The following TIGAR variants were observed in gnomAD, a reference collection of about 807,000 sequenced individuals.
The protein encoded by TIGAR is TP53 induced glycolysis regulatory phosphatase.
TIGAR carries 7 observed loss-of-function variants against 17.9 expected under a neutral mutation model. That is an observed-to-expected ratio of 0.39 (90% CI 0.22 to 0.73). The LOEUF (loss-of-function observed/expected upper bound fraction) is 0.73. Among genes scored for constraint, TIGAR ranks in the 30% least tolerant of loss-of-function variants. The probability of loss-of-function intolerance (pLI) is 0.42; values close to 1 mark genes in which losing one functional copy is unlikely to be tolerated. For missense variants in TIGAR, 258 were observed against 327.4 expected, an observed-to-expected ratio of 0.79 and a Z score of 1.64; for synonymous variants, 94 against 108.6, an observed-to-expected ratio of 0.87 and a Z score of 0.84.
intron 2 of TIGAR, chr12:4,335,462 T>C (rs1302494292): frequency 6.6e-6 from 1 of 152,164 alleles, no homozygotes; most frequent in African/African-American, 2.4e-5. Flanking sequence ...GGTGGGGTCT[T>C]TGGGTGGTTA....
chr12:4,345,892 AG>A (rs1355869556), intron 3 of TIGAR, among the ~76,000 whole-genome samples: 1 of 152,218 alleles, frequency 6.6e-6, no homozygotes, highest in Non-Finnish European at 1.5e-5. Context: ...GAATCTACAA[AG>A]AACTCAAACA....
In TIGAR at chr12:4,358,103, C is replaced by CAAAA. The variant is rs4026708; in HGVS notation, c.*5427_*5430dup. On this transcript the variant is annotated 3_prime_UTR_variant, in exon 6 of 6. Transcript: ENST00000179259. ...TGGGTGACAGAGCAAGACTGGGTCT[C>CAAAA]AAAAAAAAAAAAAAAAAATCATTTG... 2.4e-5 allele frequency among the ~76,000 whole-genome samples: 3 copies of CAAAA among 123,244 alleles called. No individual in the cohort carries two copies. The highest frequency in any genetic ancestry group is 8.5e-5 in the Admixed American group (1 of 11,700). 80.9% of individuals were successfully genotyped at this position (123,244 alleles called of 152,430 possible). A position where few individuals can be genotyped will look rare whatever the true frequency, so the allele number is the denominator to read the frequency against.
At chr12:4,324,686 G>C in intron 1 of TIGAR, 1 of 972,030 alleles carries the variant, frequency 1.0e-6, no homozygotes, top group Admixed American at 2.0e-5. Context: ...ACTTGCGGCC[G>C]CTGGCACGCA....
At chr12:4,333,440 G>T (rs991133662) in intron 2 of TIGAR, among the ~76,000 whole-genome samples, 3 of 150,274 alleles carry the variant, frequency 2.0e-5, no homozygotes, top group Non-Finnish European at 3.0e-5. Flanking sequence ...CAGGTTCCCG[G>T]CACCACACCT....
intron 1 of TIGAR, among the ~76,000 whole-genome samples, chr12:4,329,552 T>C (rs1864583072): frequency 6.6e-6 from 1 of 151,996 alleles, no homozygotes; most frequent in South Asian, 2.1e-4. Flanking sequence ...TTGGCCATGC[T>C]GGGCTTGAAC....
chr12:4,328,304 G>T (rs1172934345), intron 1 of TIGAR, among the ~76,000 whole-genome samples: 1 of 151,814 alleles, frequency 6.6e-6, no homozygotes, highest in East Asian at 1.9e-4. Flanking sequence ...TCATTCTCCT[G>T]CCTCAGCCTC....
rs1167185970 is a variant in TIGAR, at chr12:4,356,006, C to T, written c.*3315C>T. 1.3e-5 allele frequency among the ~76,000 whole-genome samples: 2 copies of T among 152,300 alleles called. No homozygotes were observed. The highest frequency in any genetic ancestry group is 1.3e-4 in the Admixed American group (2 of 15,294). ...AGGCCACATGGCCTGGTGGCCTGTG[C>T]TGAGGCCTTGGGCTTTTACTCAAGT... On this transcript the variant is annotated 3_prime_UTR_variant, in exon 6 of 6. Coordinates refer to ENST00000179259, the MANE Select transcript of TIGAR (RefSeq NM_020375.3).
At chr12:4,342,476 C>T (rs1864734059) in intron 3 of TIGAR, among the ~76,000 whole-genome samples, 1 of 152,174 alleles carries the variant, frequency 6.6e-6, no homozygotes, top group African/African-American at 2.4e-5. Context: ...ATGTTAAGGG[C>T]AGCCAGAGAG....
intron 3 of TIGAR, among the ~76,000 whole-genome samples, chr12:4,346,173 T>A (rs1467454317): frequency 6.6e-6 from 1 of 152,150 alleles, no homozygotes; most frequent in Non-Finnish European, 1.5e-5. Context: ...GTAAACAAGT[T>A]CAACCATTGT....
In TIGAR at chr12:4,337,174, T is replaced by C. The variant is rs1864669109; in HGVS notation, c.192+14T>C. ...AGGACAAAGCAGGTACATTTATTTA[T>C]TTATTTATTTTGAGACAGAGCGTCA... On this transcript the variant is annotated intron_variant, in intron 3 of 5. Coordinates refer to ENST00000179259, the MANE Select transcript of TIGAR (RefSeq NM_020375.3). 1 of 1,591,398 alleles carries C rather than the reference T, an allele frequency of 6.3e-7. No individual in the cohort carries two copies. The highest frequency in any genetic ancestry group is 8.6e-7 in the Non-Finnish European group (1 of 1,162,246).
At chr12:4,331,220 TC>T (rs1197139064) in intron 1 of TIGAR, 59 bp from the exon 2 acceptor site, 40 of 1,455,944 alleles carry the variant, frequency 2.7e-5, no homozygotes, top group Non-Finnish European at 3.8e-5. Flanking sequence ...CTCATTTTTT[TC>T]CTCCTCTCAA....
chr12:4,324,223 G>A (rs3885283), intron 1 of TIGAR: 188,591 of 597,518 alleles, frequency 0.32, 30,475 homozygotes, highest in Admixed American at 0.39. Context: ...CGTGTAGGTT[G>A]GCATTACCAT....
chr12:4,331,537 A>C (rs1864603554), intron 2 of TIGAR, among the ~76,000 whole-genome samples: 1 of 152,182 alleles, frequency 6.6e-6, no homozygotes. Context: ...CAGGTCTCCA[A>C]GTTATTCTTT....
intron 3 of TIGAR, among the ~76,000 whole-genome samples, chr12:4,343,974 G>C (rs576307057): frequency 6.6e-6 from 1 of 152,144 alleles, no homozygotes; most frequent in Non-Finnish European, 1.5e-5. Flanking sequence ...AAAATTGATA[G>C]ACCGCTAGCA....
intron 3 of TIGAR, among the ~76,000 whole-genome samples, chr12:4,337,947 A>G (rs1358676376): frequency 6.6e-6 from 1 of 152,200 alleles, no homozygotes; most frequent in Non-Finnish European, 1.5e-5. Flanking sequence ...CCTGGCCAAC[A>G]TGGTGAAACC....
chr12:4,324,314 T>G, intron 1 of TIGAR: 3 of 732,196 alleles, frequency 4.1e-6, no homozygotes, highest in Admixed American at 2.3e-5. Context: ...AAACCATCCA[T>G]TTAACTTCCT....
intron 3 of TIGAR, among the ~76,000 whole-genome samples, chr12:4,346,059 C>G (rs112831719): frequency 6.6e-6 from 1 of 152,140 alleles, no homozygotes; most frequent in East Asian, 1.9e-4. Flanking sequence ...CAATGAGATA[C>G]CGTCTCACAC....
intron 1 of TIGAR, among the ~76,000 whole-genome samples, chr12:4,330,650 C>T (rs1413679337): frequency 6.6e-6 from 1 of 152,178 alleles, no homozygotes. Flanking sequence ...ACAAAGTTTC[C>T]AGTTCTTTTA....
In TIGAR at chr12:4,359,166, G is replaced by A. The variant is rs776646806; in HGVS notation, c.*6475G>A. Among the ~76,000 whole-genome samples the A allele has an allele frequency of 2.0e-5, 3 of 150,780 alleles. No homozygotes were observed. Among genetic ancestry groups the A allele is most frequent in the Non-Finnish European group, 4.4e-5 (3 of 67,792 alleles). On this transcript the variant is annotated 3_prime_UTR_variant, in exon 6 of 6. Coordinates refer to ENST00000179259, the MANE Select transcript of TIGAR (RefSeq NM_020375.3). ...TCTACTTTTGCTTCTATGTTTATTA[G>A]TTGGCATTCTGTACTAAGACAGCTT...
Sources: gnomAD v4.1 joint callset for allele counts (sites outside exome capture counted in the v4.1 genomes callset) on GRCh38, gnomAD v4.1.1 for gene constraint, MANE v1.5 for transcripts, NCBI Gene and HGNC (gene_info 2026-07-23, HGNC 2026-07-21) for gene names.